The following PRKG1 variants were observed in gnomAD, a reference collection of about 807,000 sequenced individuals.
PRKG1 encodes the protein cGMP-dependent protein kinase 1.
In PRKG1, 35 loss-of-function variants were observed where a neutral mutation model predicts 88.1. That is an observed-to-expected ratio of 0.40 (90% CI 0.30 to 0.53). The LOEUF is 0.53. PRKG1 is among the 20% of genes least tolerant of loss of function. The pLI is 0.59. For synonymous variants in PRKG1, 303 were observed against 292.5 expected, an observed-to-expected ratio of 1.04 and a Z score of -0.37; for missense variants, 540 against 839.8, an observed-to-expected ratio of 0.64 and a Z score of 4.41.
At chr10:51,685,369 A>G (rs966648106) in intron 3 of PRKG1, among the ~76,000 whole-genome samples, 8 of 152,180 alleles carry the variant, frequency 5.3e-5, no homozygotes, top group African/African-American at 1.9e-4. Flanking sequence ...TTCTCAATAC[A>G]TGCTGTTTGT....
At chr10:51,417,328 G>T (rs1838269242) in intron 2 of PRKG1, among the ~76,000 whole-genome samples, 1 of 152,138 alleles carries the variant, frequency 6.6e-6, no homozygotes, top group Non-Finnish European at 1.5e-5. Context: ...GATCACAAAA[G>T]CTTCCCCACT....
intron 3 of PRKG1, among the ~76,000 whole-genome samples, chr10:51,700,760 G>T (rs563555327): frequency 6.6e-6 from 1 of 152,110 alleles, no homozygotes; most frequent in Non-Finnish European, 1.5e-5. Context: ...TTGAAGAAAT[G>T]AATTTTAAAT....
chr10:51,722,827 T>C (rs1309515309), intron 3 of PRKG1, among the ~76,000 whole-genome samples: 3 of 152,208 alleles, frequency 2.0e-5, no homozygotes, highest in African/African-American at 7.2e-5. Context: ...GAGAGAGTTA[T>C]CTCACTGCTA....
chr10:51,919,660 T>G (rs1842419783), intron 5 of PRKG1, among the ~76,000 whole-genome samples: 1 of 149,014 alleles, frequency 6.7e-6, no homozygotes, highest in Non-Finnish European at 1.5e-5. Context: ...TAAGGTCAAA[T>G]TGAACAGCCC....
At chr10:51,526,216 G>GAAA (rs1263940757) in intron 3 of PRKG1, among the ~76,000 whole-genome samples, 2 of 152,078 alleles carry the variant, frequency 1.3e-5, no homozygotes, top group Non-Finnish European at 2.9e-5. Context: ...TCAGTACCAA[G>GAAA]AAAAGAATAT....
At chr10:52,293,689 A>G (rs1842320420) in intron 17 of PRKG1, 113 bp from the exon 18 acceptor site, 4 of 772,172 alleles carry the variant, frequency 5.2e-6, no homozygotes, top group Non-Finnish European at 6.6e-6. Flanking sequence ...TACATAGTAG[A>G]TACTCAATGA....
At chr10:51,874,431 A>G (rs1197710957) in intron 4 of PRKG1, among the ~76,000 whole-genome samples, 1 of 152,224 alleles carries the variant, frequency 6.6e-6, no homozygotes, top group Non-Finnish European at 1.5e-5. Context: ...AATATCATGC[A>G]ACTGTGAAGT....
chr10:51,598,328 C>G (rs954785780), intron 3 of PRKG1, among the ~76,000 whole-genome samples: 4 of 152,136 alleles, frequency 2.6e-5, no homozygotes, highest in African/African-American at 4.8e-5. Flanking sequence ...GGCTGCAGTG[C>G]AATGTTATGA....
chr10:52,248,909 T>TTC (rs1404577205), intron 9 of PRKG1, among the ~76,000 whole-genome samples: 1 of 151,716 alleles, frequency 6.6e-6, no homozygotes, highest in East Asian at 1.9e-4. Context: ...CTTTCTCTTT[T>TTC]CTTTCCTTTC....
chr10:51,993,390 G>C (rs1489432859), intron 5 of PRKG1, among the ~76,000 whole-genome samples: 1 of 151,968 alleles, frequency 6.6e-6, no homozygotes. Context: ...TTTTAAACAA[G>C]AAACTTTGAC....
At chr10:51,520,952 T>G (rs1218901477) in intron 3 of PRKG1, among the ~76,000 whole-genome samples, 2 of 152,208 alleles carry the variant, frequency 1.3e-5, no homozygotes, top group Non-Finnish European at 2.9e-5. Flanking sequence ...AATCAGAAGC[T>G]CAGTGTGTAT....
chr10:51,955,246 C>T (rs1438870836), intron 5 of PRKG1, among the ~76,000 whole-genome samples: 3 of 152,138 alleles, frequency 2.0e-5, no homozygotes, highest in East Asian at 3.9e-4. Context: ...ACACTTTCCA[C>T]GGGAGGAAAA....
At chr10:52,186,098 A>G (rs1342113278) in intron 9 of PRKG1, among the ~76,000 whole-genome samples, 3 of 152,214 alleles carry the variant, frequency 2.0e-5, no homozygotes, top group African/African-American at 4.8e-5. Context: ...GCATTGCTAT[A>G]AAGAAATAAC....
At chr10:51,286,193 A>C (rs575813043) in intron 2 of PRKG1, among the ~76,000 whole-genome samples, 2 of 151,582 alleles carry the variant, frequency 1.3e-5, no homozygotes, top group Admixed American at 6.6e-5. Flanking sequence ...CTGGTCTTGA[A>C]CTCCCGGCCT....
intron 3 of PRKG1, among the ~76,000 whole-genome samples, chr10:51,648,993 C>T (rs141908398): frequency 9.9e-5 from 15 of 152,170 alleles, no homozygotes; most frequent in African/African-American, 3.6e-4. Context: ...CACGTAAGTC[C>T]AGGGGATTGA....
chr10:52,068,758 A>T (rs1432756560), intron 7 of PRKG1, among the ~76,000 whole-genome samples: 2 of 152,178 alleles, frequency 1.3e-5, no homozygotes, highest in African/African-American at 4.8e-5. Flanking sequence ...GGCAAAATTG[A>T]CATAGCATTA....
intron 2 of PRKG1, among the ~76,000 whole-genome samples, chr10:51,266,444 A>G (rs1350530300): frequency 3.3e-5 from 5 of 152,170 alleles, no homozygotes; most frequent in African/African-American, 7.2e-5. Context: ...TCTAAGAACT[A>G]CTTGTTATCT....
At chr10:51,666,680 G>T (rs1840429801) in intron 3 of PRKG1, among the ~76,000 whole-genome samples, 1 of 152,168 alleles carries the variant, frequency 6.6e-6, no homozygotes, top group African/African-American at 2.4e-5. Flanking sequence ...AGATGCAGCT[G>T]TTGCTTAATT....
At chr10:51,483,310 C>T (rs1008892824) in intron 3 of PRKG1, among the ~76,000 whole-genome samples, 3 of 152,172 alleles carry the variant, frequency 2.0e-5, no homozygotes, top group African/African-American at 7.2e-5. Context: ...CGTGAGCCAC[C>T]GCACCCAGCC....
Sources: allele counts gnomAD v4.1 joint callset (sites outside exome capture counted in the v4.1 genomes callset), GRCh38; gene constraint gnomAD v4.1.1; transcripts MANE v1.5; gene names NCBI Gene and HGNC (gene_info 2026-07-23, HGNC 2026-07-21).